The following GAPVD1 variants were observed in gnomAD, a reference collection of about 807,000 sequenced individuals.
The protein encoded by GAPVD1 is GTPase-activating protein and VPS9 domain-containing protein 1.
Under a neutral mutation model 155.5 loss-of-function variants are expected in GAPVD1, and 35 were observed. That is an observed-to-expected ratio of 0.23 (90% CI 0.17 to 0.30). GAPVD1 has a LOEUF of 0.30. Ranked by LOEUF, GAPVD1 falls within the 10% of genes least tolerant of loss-of-function variation. The pLI is 1.00. For missense variants in GAPVD1, 1,429 were observed against 1,775.7 expected (o/e 0.80, Z 3.51); for synonymous variants, 636 against 619.7 (o/e 1.03, Z -0.39).
Position 125,307,481 on chromosome 9 carries a change from C to G in GAPVD1, c.1185C>G (p.Ser395=), listed in dbSNP as rs144775767. 6.2e-6 allele frequency: 10 copies of G among 1,608,714 alleles called. No homozygotes were observed. The South Asian group carries it at 1.1e-4, about 18-fold the overall frequency. Residue 395 remains serine (S), a synonymous_variant, in exon 7 of 28, where the codon TCC becomes TCG. Coordinates refer to ENST00000297933, the MANE Select transcript of GAPVD1 (RefSeq NM_001282680.3). ...CAGTGGAGACCCCTCCATTGTCTTC[C>G]GTCAATCTTCTGGAAGGATTGAGCA... ...GRAVETPPLS[S]VNLLEGLSRT...
At chr9:125,344,255 T>C (rs1848226919) in intron 19 of GAPVD1, among the ~76,000 whole-genome samples, 1 of 152,212 alleles carries the variant, frequency 6.6e-6, no homozygotes. Context: ...CTAATCTTTT[T>C]CCATATTTGT....
chr9:125,281,316 ATTTT>A (rs1051509091), intron 2 of GAPVD1, among the ~76,000 whole-genome samples: 1 of 152,030 alleles, frequency 6.6e-6, no homozygotes, highest in Non-Finnish European at 1.5e-5. Context: ...GTAGACTTAA[ATTTT>A]TTTTATTTTT....
At chr9:125,336,308 A>AC (rs1329737584) in intron 15 of GAPVD1, among the ~76,000 whole-genome samples, 2 of 151,582 alleles carry the variant, frequency 1.3e-5, no homozygotes, top group Admixed American at 1.3e-4. Context: ...AAAAAAAACA[A>AC]AAAACAAAAA....
rs201562013 is a variant in GAPVD1 at position 125,337,358 on chromosome 9, G to C, written c.2644G>C (p.Ala882Pro). Residue 882 changes from alanine to proline, a missense_variant, in exon 17 of 28, where the codon GCT becomes CCT. This residue lies in a region of GAPVD1 where 699 missense variants were observed against 826.0 expected (regional missense o/e 0.85). Coordinates refer to ENST00000297933, the MANE Select transcript of GAPVD1 (RefSeq NM_001282680.3). ...PNFGSHVLTPAEMEAFKQRHS... is the reference protein window; with the variant it reads ...PNFGSHVLTPPEMEAFKQRHS... ...CTTTGGTTCCCATGTTTTAACTCCA[G>C]CTGAAATGGAGGCATTCAAGCAAAG... 1.2e-4 allele frequency: 194 copies of C among 1,614,062 alleles called. 1 individual carries two copies. Among genetic ancestry groups the C allele is most frequent in the Non-Finnish European group, 7.5e-5 (89 of 1,180,038 alleles).
chr9:125,347,391 G>A (rs1848641334), intron 20 of GAPVD1, among the ~76,000 whole-genome samples: 1 of 152,122 alleles, frequency 6.6e-6, no homozygotes, highest in African/African-American at 2.4e-5. Flanking sequence ...AGAAAAATGA[G>A]ATATAGTCCC....
In GAPVD1 at chr9:125,362,530, C is replaced by G. The variant is rs960722936; in HGVS notation, c.4243-76C>G. ...GGTATGTCTTTCATAGAAGAACATTCGAAGAACACTTAAATGATTTTGGCA... is the reference window on the plus strand; with the variant it reads ...GGTATGTCTTTCATAGAAGAACATTGGAAGAACACTTAAATGATTTTGGCA... On this transcript the variant is annotated intron_variant, in intron 27 of 27. Transcript: ENST00000297933. 4.3e-6 allele frequency: 5 copies of G among 1,170,838 alleles called. No homozygotes were observed. The African/African-American group carries it at 6.2e-5, about 15-fold the overall frequency. The allele number at this position is 1,170,838 out of a possible 1,614,324, so 72.5% of individuals were successfully genotyped here. A position where few individuals can be genotyped will look rare whatever the true frequency, so the allele number is the denominator to read the frequency against.
At chr9:125,325,298 G>A (rs560695393) in intron 11 of GAPVD1, among the ~76,000 whole-genome samples, 2 of 151,434 alleles carry the variant, frequency 1.3e-5, no homozygotes, top group Admixed American at 6.6e-5. Flanking sequence ...CAAGACAGGC[G>A]GATCATGAGG....
At chr9:125,265,805 G>C (rs952850513) in intron 1 of GAPVD1, among the ~76,000 whole-genome samples, 1 of 147,696 alleles carries the variant, frequency 6.8e-6, no homozygotes, top group Admixed American at 6.9e-5. Flanking sequence ...GGTAGCTCAT[G>C]CCTATAATTT....
chr9:125,362,909 G>A lies in GAPVD1; in HGVS notation c.*163G>A, dbSNP rs1851140416. 1 of 471,988 alleles carries A rather than the reference G, an allele frequency of 2.1e-6. No homozygotes were observed. Among genetic ancestry groups the A allele is most frequent in the Admixed American group, 4.3e-5 (1 of 23,242 alleles). The allele number at this position is 471,988 out of a possible 1,614,324, so 29.2% of individuals were successfully genotyped here. ...ACTAAACAGGTTAATGAGCTAACAA[G>A]CAGGTTCTCTCGTCTTTGGGCTCTT... On this transcript the variant is annotated 3_prime_UTR_variant, in exon 28 of 28. Transcript: ENST00000297933.
intron 2 of GAPVD1, among the ~76,000 whole-genome samples, chr9:125,270,930 CAA>C (rs1033730461): frequency 7.2e-5 from 11 of 151,996 alleles, no homozygotes; most frequent in African/African-American, 2.7e-4. Flanking sequence ...GCCTGGGCAA[CAA>C]GAGCGAAACT....
chr9:125,264,231 G>C (rs1423432146), intron 1 of GAPVD1: 5 of 591,134 alleles, frequency 8.5e-6, no homozygotes, highest in Admixed American at 5.3e-5. Flanking sequence ...GTCTGGCTCT[G>C]TTGCCTAGGC....
intron 9 of GAPVD1, among the ~76,000 whole-genome samples, chr9:125,314,998 A>G (rs547749006): frequency 1.3e-5 from 2 of 152,170 alleles, no homozygotes; most frequent in African/African-American, 4.8e-5. Context: ...CATGTTAGCC[A>G]GGATAGTCTC....
chr9:125,355,715 G>A lies in GAPVD1; in HGVS notation c.3829G>A (p.Ala1277Thr). Residue 1277 changes from alanine to threonine, a missense_variant, in exon 25 of 28, where the codon GCA becomes ACA. By Grantham distance (58) the Ala-to-Thr change is moderately conservative. Around this residue, in one of 4 missense-constraint regions of GAPVD1, gnomAD observed 699 missense variants for 826.0 expected, o/e 0.85. Coordinates refer to ENST00000297933, the MANE Select transcript of GAPVD1 (RefSeq NM_001282680.3). ...VEDFLQFLYGAMAQDVIWQNA... is the reference protein window; with the variant it reads ...VEDFLQFLYGTMAQDVIWQNA... The stretch of plus-strand genomic sequence containing the variant: ...AGATTTTCTGCAGTTTCTTTATGGT[G>A]CAATGGCCCAGGATGTCATATGGCA... The A allele has an allele frequency of 6.2e-7, 1 of 1,613,584 alleles. No homozygotes were observed. Among genetic ancestry groups the A allele is most frequent in the African/African-American group, 1.3e-5 (1 of 75,032 alleles).
intron 15 of GAPVD1, among the ~76,000 whole-genome samples, chr9:125,336,094 A>G (rs1846893739): frequency 6.7e-6 from 1 of 149,268 alleles, no homozygotes; most frequent in Non-Finnish European, 1.5e-5. Flanking sequence ...GCAGTGAGCT[A>G]TGTTTGCACC....
chr9:125,280,134 C>T (rs1258197964), intron 2 of GAPVD1, among the ~76,000 whole-genome samples: 2 of 151,172 alleles, frequency 1.3e-5, no homozygotes, highest in East Asian at 4.0e-4. Flanking sequence ...CAGTGGCTCA[C>T]GCCTGTAATC....
intron 2 of GAPVD1, chr9:125,287,883 G>T (rs1296188771): frequency 6.6e-6 from 1 of 151,914 alleles, no homozygotes; most frequent in Non-Finnish European, 1.5e-5. Context: ...TGGGATTACA[G>T]GTATGTGCCA....
At chr9:125,284,466 C>T (rs1360952812) in intron 2 of GAPVD1, among the ~76,000 whole-genome samples, 2 of 151,786 alleles carry the variant, frequency 1.3e-5, no homozygotes, top group Non-Finnish European at 2.9e-5. Flanking sequence ...GCGTGAGCCA[C>T]CGCGCCTGGC....
intron 2 of GAPVD1, among the ~76,000 whole-genome samples, chr9:125,274,735 T>C (rs939522279): frequency 8.5e-5 from 13 of 152,204 alleles, no homozygotes; most frequent in Non-Finnish European, 1.6e-4. Context: ...GTGCTGGGAT[T>C]ATAGGCGTGA....
intron 6 of GAPVD1, 90 bp from the exon 7 acceptor site, chr9:125,307,323 A>T: frequency 2.2e-6 from 2 of 928,948 alleles, no homozygotes; most frequent in Non-Finnish European, 3.1e-6. Flanking sequence ...TAAGATGTTT[A>T]AATTTTTTCA....
Sources: gnomAD v4.1 joint callset for allele counts (sites outside exome capture counted in the v4.1 genomes callset) on GRCh38, gnomAD v4.1.1 for gene constraint, gnomAD v4.1.1 regional missense constraint, MANE v1.5 for transcripts, NCBI Gene and HGNC (gene_info 2026-07-23, HGNC 2026-07-21) for gene names.